Variants in GRIK1 observed in about 807,000 individuals in gnomAD.
GRIK1 encodes glutamate receptor ionotropic, kainate 1.
In GRIK1, 69 loss-of-function variants were observed where a neutral mutation model predicts 105.7. The ratio of observed to expected loss-of-function variants is 0.65; its 90% CI spans 0.54 to 0.80. GRIK1 has a LOEUF of 0.80. GRIK1 is among the 30% of genes least tolerant of loss of function. GRIK1 has a pLI of 0.00. For missense variants in GRIK1, 1,109 were observed against 1,167.3 expected, an observed-to-expected ratio of 0.95 and a Z score of 0.73; for synonymous variants, 438 against 431.3, an observed-to-expected ratio of 1.02 and a Z score of -0.19.
At chr21:29,913,383 C>A (rs2070885287) in intron 1 of GRIK1, among the ~76,000 whole-genome samples, 1 of 152,002 alleles carries the variant, frequency 6.6e-6, no homozygotes, top group Admixed American at 6.6e-5. Context: ...ATTTTACTTA[C>A]ATATACTTAT....
intron 1 of GRIK1, among the ~76,000 whole-genome samples, chr21:29,762,287 A>G (rs2065546961): frequency 1.3e-5 from 2 of 152,240 alleles, no homozygotes; most frequent in Non-Finnish European, 2.9e-5. Flanking sequence ...TGCCATTATG[A>G]ATAACATTCT....
intron 1 of GRIK1, among the ~76,000 whole-genome samples, chr21:29,695,233 A>T (rs1028186615): frequency 6.6e-6 from 1 of 152,162 alleles, no homozygotes; most frequent in Admixed American, 6.5e-5. Context: ...TTAACTGTAC[A>T]GTTCTTAGAT....
At position 29,561,607 on chromosome 21, in the gene GRIK1, A is replaced by C. The variant is rs1207505145; in HGVS notation, c.2356+17T>G. 4.0e-6 allele frequency: 6 copies of C among 1,505,844 alleles called. No individual in the cohort carries two copies. In the East Asian group the frequency reaches 1.4e-4, roughly 34 times the overall value. The allele number at this position is 1,505,844 out of a possible 1,614,324, so 93.3% of individuals were successfully genotyped here. ...ACATTCTGTATCTCAGTCTTGGTTCATGTCTACCCGTCTTACCAATAGGTG... is the reference window on the plus strand; with the variant it reads ...ACATTCTGTATCTCAGTCTTGGTTCCTGTCTACCCGTCTTACCAATAGGTG... On this transcript the variant is annotated intron_variant, in intron 15 of 17. Transcript: ENST00000327783.
intron 1 of GRIK1, among the ~76,000 whole-genome samples, chr21:29,935,714 A>G (rs185946035): frequency 5.3e-5 from 8 of 152,338 alleles, no homozygotes; most frequent in Admixed American, 5.2e-4. Context: ...TATGTGATGT[A>G]CTTAACTACA....
intron 1 of GRIK1, among the ~76,000 whole-genome samples, chr21:29,788,996 C>T (rs532114779): frequency 6.6e-6 from 1 of 152,338 alleles, no homozygotes; most frequent in South Asian, 2.1e-4. Context: ...CCACATGGCC[C>T]ATTGGTTGGG....
chr21:29,542,117 G>C (rs1410602279), intron 16 of GRIK1, among the ~76,000 whole-genome samples: 1 of 152,090 alleles, frequency 6.6e-6, no homozygotes, highest in African/African-American at 2.4e-5. Context: ...GATTGAAATA[G>C]AAACTTCAAC....
intron 1 of GRIK1, among the ~76,000 whole-genome samples, chr21:29,823,415 G>A (rs549411210): frequency 4.0e-5 from 6 of 151,732 alleles, no homozygotes; most frequent in East Asian, 3.9e-4. Context: ...TCAAAATAAC[G>A]AATGTAAATA....
intron 1 of GRIK1, among the ~76,000 whole-genome samples, chr21:29,894,226 G>A (rs902794420): frequency 2.0e-5 from 3 of 152,076 alleles, no homozygotes; most frequent in East Asian, 1.9e-4. Flanking sequence ...AAAGTCCCAC[G>A]AGAGACCATC....
chr21:29,620,236 T>C (rs965438974), intron 7 of GRIK1, among the ~76,000 whole-genome samples: 1 of 152,180 alleles, frequency 6.6e-6, no homozygotes, highest in African/African-American at 2.4e-5. Flanking sequence ...TAAAAGCAAG[T>C]ATCAGCTCTG....
chr21:29,648,332 C>A (rs907616998), intron 6 of GRIK1, among the ~76,000 whole-genome samples: 1 of 152,050 alleles, frequency 6.6e-6, no homozygotes, highest in Non-Finnish European at 1.5e-5. Flanking sequence ...TAAGAGTGGC[C>A]AGTCTGTGAC....
chr21:29,793,315 C>G (rs553687962), intron 1 of GRIK1, among the ~76,000 whole-genome samples: 1 of 152,122 alleles, frequency 6.6e-6, no homozygotes, highest in Non-Finnish European at 1.5e-5. Context: ...TGGACAACCC[C>G]GTGCATTAAT....
chr21:29,765,952 C>T (rs1013194849), intron 1 of GRIK1, among the ~76,000 whole-genome samples: 3 of 151,872 alleles, frequency 2.0e-5, no homozygotes, highest in South Asian at 2.1e-4. Flanking sequence ...CCCGGGTTCA[C>T]GCCATTCTCC....
At chr21:29,885,968 T>C (rs888458323) in intron 1 of GRIK1, among the ~76,000 whole-genome samples, 1 of 152,128 alleles carries the variant, frequency 6.6e-6, no homozygotes, top group Non-Finnish European at 1.5e-5. Context: ...CAGGGGAAGA[T>C]CAATGTATGA....
chr21:29,741,099 G>C (rs1489439250), intron 1 of GRIK1, among the ~76,000 whole-genome samples: 1 of 152,132 alleles, frequency 6.6e-6, no homozygotes, highest in African/African-American at 2.4e-5. Context: ...CCCTTTGCCA[G>C]GGCCTTCTTG....
intron 7 of GRIK1, among the ~76,000 whole-genome samples, chr21:29,618,350 T>A (rs933820615): frequency 6.6e-6 from 1 of 152,026 alleles, no homozygotes; most frequent in Non-Finnish European, 1.5e-5. Flanking sequence ...ATAAAAAAAA[T>A]TTAAAAAAGT....
intron 1 of GRIK1, among the ~76,000 whole-genome samples, chr21:29,694,406 G>A (rs1014589226): frequency 6.6e-6 from 1 of 151,988 alleles, no homozygotes; most frequent in Admixed American, 6.6e-5. Context: ...TTACAAGCAT[G>A]AGCCACCACA....
intron 1 of GRIK1, among the ~76,000 whole-genome samples, chr21:29,911,289 A>G (rs1443186853): frequency 6.6e-6 from 1 of 152,108 alleles, no homozygotes; most frequent in African/African-American, 2.4e-5. Context: ...GAATATAGGG[A>G]CAAAATGTTT....
chr21:29,783,590 T>C (rs541725656), intron 1 of GRIK1, among the ~76,000 whole-genome samples: 4 of 152,202 alleles, frequency 2.6e-5, no homozygotes, highest in African/African-American at 9.6e-5. Flanking sequence ...AATTTTTCAA[T>C]CCATATCAAA....
At chr21:29,936,405 A>G (rs1423140722) in intron 1 of GRIK1, among the ~76,000 whole-genome samples, 1 of 152,202 alleles carries the variant, frequency 6.6e-6, no homozygotes, top group Non-Finnish European at 1.5e-5. Flanking sequence ...ACCATTAGTT[A>G]TAAGTCAGCC....
Sources: gnomAD v4.1 joint callset for allele counts (sites outside exome capture counted in the v4.1 genomes callset) on GRCh38, gnomAD v4.1.1 for gene constraint, MANE v1.5 for transcripts, NCBI Gene and HGNC (gene_info 2026-07-23, HGNC 2026-07-21) for gene names.